GOLM1: variants seen among roughly 807,000 people sequenced by gnomAD.
GOLM1 encodes golgi membrane protein 1.
A neutral mutation model predicts 50.5 loss-of-function variants in GOLM1; 31 were observed. The observed-to-expected ratio is 0.61, with a 90% CI of 0.46 to 0.83. GOLM1 has a LOEUF of 0.83. GOLM1 is among the 40% of genes least tolerant of loss of function. GOLM1 has a pLI of 0.00. For synonymous variants in GOLM1, 178 were observed against 192.8 expected (o/e 0.92, Z 0.64); for missense variants, 491 against 501.3 (o/e 0.98, Z 0.20).
At chr9:86,036,280 G>A (rs958647114) in intron 7 of GOLM1, 68 bp downstream of exon 7, 41 of 1,525,176 alleles carry the variant, frequency 2.7e-5, no homozygotes, top group Non-Finnish European at 3.5e-5. Context: ...TCAGCAGCTC[G>A]CTGGGACTGC....
intron 4 of GOLM1, among the ~76,000 whole-genome samples, chr9:86,049,240 T>C (rs1833657840): frequency 6.6e-6 from 1 of 152,238 alleles, no homozygotes; most frequent in Non-Finnish European, 1.5e-5. Flanking sequence ...ATCTCTGTTT[T>C]GGTACCAGTA....
At chr9:86,075,329 C>T (rs1834579179) in intron 3 of GOLM1, among the ~76,000 whole-genome samples, 1 of 152,244 alleles carries the variant, frequency 6.6e-6, no homozygotes, top group African/African-American at 2.4e-5. Context: ...CGGTGGCTTA[C>T]GACTGCGCCC....
chr9:86,089,896 T>G (rs1835119185), intron 1 of GOLM1, among the ~76,000 whole-genome samples: 1 of 152,198 alleles, frequency 6.6e-6, no homozygotes, highest in Admixed American at 6.5e-5. Context: ...TGTGGATGTA[T>G]CTACCTTTGG....
intron 3 of GOLM1, among the ~76,000 whole-genome samples, chr9:86,074,396 T>C (rs1297486936): frequency 6.6e-6 from 1 of 152,126 alleles, no homozygotes. Context: ...GTGAAGTCTT[T>C]AATGCAGACA....
At chr9:86,059,913 A>G (rs965606872) in intron 3 of GOLM1, among the ~76,000 whole-genome samples, 3 of 151,714 alleles carry the variant, frequency 2.0e-5, no homozygotes, top group Non-Finnish European at 4.4e-5. Context: ...AAAAAAAAAA[A>G]AAAAAAAAAA....
intron 1 of GOLM1, among the ~76,000 whole-genome samples, chr9:86,093,291 C>T (rs1835240322): frequency 6.7e-6 from 1 of 150,356 alleles, no homozygotes; most frequent in African/African-American, 2.5e-5. Context: ...GCAGGAGAAT[C>T]GCTTGAACTT....
intron 3 of GOLM1, among the ~76,000 whole-genome samples, chr9:86,057,813 C>G (rs1418858633): frequency 6.6e-6 from 1 of 152,182 alleles, no homozygotes. Context: ...GGCTCTGTCC[C>G]GAGAGGGCCA....
Position 86,027,239 on chromosome 9 carries a change from A to T in GOLM1, c.*578T>A. The stretch of plus-strand genomic sequence containing the variant: ...AAATTCTCACACAGAACAGCTTTGT[A>T]TTTAGACTTAAAGCTGTTGCTACTT... On this transcript the variant is annotated 3_prime_UTR_variant, in exon 10 of 10. Transcript: ENST00000388712. 1 of 985,456 alleles carries T rather than the reference A, an allele frequency of 1.0e-6. No homozygotes were observed. Among genetic ancestry groups the T allele is most frequent in the Non-Finnish European group, 1.2e-6 (1 of 829,920 alleles). The allele number at this position is 985,456 out of a possible 1,614,324, so 61.0% of individuals were successfully genotyped here. A position where few individuals can be genotyped will look rare whatever the true frequency, so the allele number is the denominator to read the frequency against.
At chr9:86,063,514 A>G (rs575025591) in intron 3 of GOLM1, among the ~76,000 whole-genome samples, 244 of 152,354 alleles carry the variant, frequency 1.6e-3, no homozygotes, top group African/African-American at 4.8e-3. Flanking sequence ...TTACAGCGTC[A>G]CAGTCAAGGC....
intron 3 of GOLM1, among the ~76,000 whole-genome samples, chr9:86,071,138 C>T (rs910080943): frequency 3.3e-5 from 5 of 151,890 alleles, no homozygotes; most frequent in Non-Finnish European, 1.5e-5. Flanking sequence ...CGCTCTGTCA[C>T]CTAGGCTGGA....
chr9:86,027,708 G>T lies in GOLM1; in HGVS notation c.*109C>A. ...TAAAATTTCACAATAATCATCTTCA[G>T]ATGTACATTTTATTTAGTACATTTC... On this transcript the variant is annotated 3_prime_UTR_variant, in exon 10 of 10. Coordinates refer to ENST00000388712, the MANE Select transcript of GOLM1 (RefSeq NM_016548.4). 6.9e-7 allele frequency: 1 copy of T among 1,451,564 alleles called. No homozygotes were observed. Among genetic ancestry groups the T allele is most frequent in the Admixed American group, 2.8e-5 (1 of 35,338 alleles). 89.9% of individuals were successfully genotyped at this position (1,451,564 alleles called of 1,614,324 possible).
intron 1 of GOLM1, among the ~76,000 whole-genome samples, chr9:86,090,351 C>T (rs1224776668): frequency 6.6e-6 from 1 of 152,152 alleles, no homozygotes; most frequent in Non-Finnish European, 1.5e-5. Flanking sequence ...CCCACAGCTA[C>T]CCCTTCCCCC....
chr9:86,035,626 CTG>C lies in GOLM1; in HGVS notation c.758-3_758-2del. 1.9e-6 allele frequency: 3 copies of C among 1,550,020 alleles called. No homozygotes were observed. The highest frequency in any genetic ancestry group is 2.6e-6 in the Non-Finnish European group (3 of 1,137,578). On this transcript the variant is annotated splice_acceptor_variant and splice_polypyrimidine_tract_variant and intron_variant, in intron 7 of 9. Coordinates refer to ENST00000388712, the MANE Select transcript of GOLM1 (RefSeq NM_016548.4). LOFTEE classifies it high-confidence loss of function. ...ACCACCTGGATCTCATTGGTTTCCT[CTG>C]TGCACAGAACACAGTTAGCTGTGAC...
chr9:86,083,541 C>G (rs970842332), intron 1 of GOLM1, among the ~76,000 whole-genome samples: 1 of 152,230 alleles, frequency 6.6e-6, no homozygotes, highest in South Asian at 2.1e-4. Context: ...GCCACCACCA[C>G]ACCCAGCTAG....
intron 4 of GOLM1, among the ~76,000 whole-genome samples, chr9:86,048,119 C>T (rs543595336): frequency 6.8e-5 from 10 of 147,774 alleles, no homozygotes; most frequent in African/African-American, 1.0e-4. Flanking sequence ...TGAGAACATG[C>T]GGTGTTTGGT....
At chr9:86,032,405 G>GA (rs1394363107) in intron 9 of GOLM1, among the ~76,000 whole-genome samples, 1 of 152,168 alleles carries the variant, frequency 6.6e-6, no homozygotes, top group East Asian at 1.9e-4. Context: ...TTGACCCGCT[G>GA]ATCTGCCTGC....
Position 86,077,560 on chromosome 9 carries a change from C to T in GOLM1, c.161G>A (p.Arg54His), listed in dbSNP as rs762028025. Residue 54 changes from arginine to histidine, a missense_variant, in exon 3 of 10, where the codon CGC (arginine) becomes CAC (histidine). By Grantham distance (29) the Arg-to-His change is conservative. Coordinates refer to ENST00000388712, the MANE Select transcript of GOLM1 (RefSeq NM_016548.4). The stretch of plus-strand genomic sequence containing the variant: ...GGCGCCTCTCTCTGCAGCCGCCCTG[C>T]GGACCCTGCCTTCCAGCTCCATGAT... ...TRIMELEGRV[R>H]RAAAERGAVE... 1.6e-5 allele frequency: 26 copies of T among 1,613,394 alleles called. No individual in the cohort carries two copies. The highest frequency in any genetic ancestry group is 5.0e-5 in the Admixed American group (3 of 60,026).
chr9:86,034,291 C>G (rs1833070278), intron 8 of GOLM1, among the ~76,000 whole-genome samples: 1 of 152,112 alleles, frequency 6.6e-6, no homozygotes, highest in South Asian at 2.1e-4. Context: ...AAGTGCACAC[C>G]TGGAAAAGCA....
intron 6 of GOLM1, among the ~76,000 whole-genome samples, chr9:86,040,224 G>A (rs753397254): frequency 3.7e-4 from 57 of 152,144 alleles, no homozygotes; most frequent in Non-Finnish European, 7.1e-4. Context: ...TTTTCTATGG[G>A]TGAATCATAG....
Sources: gnomAD v4.1 joint callset for allele counts (sites outside exome capture counted in the v4.1 genomes callset) on GRCh38, gnomAD v4.1.1 for gene constraint, MANE v1.5 for transcripts, NCBI Gene and HGNC (gene_info 2026-07-23, HGNC 2026-07-21) for gene names.